The following CRPPA variants were observed in gnomAD, a reference collection of about 807,000 sequenced individuals.
The protein encoded by CRPPA is D-ribitol-5-phosphate cytidylyltransferase.
A neutral mutation model predicts 52.0 loss-of-function variants in CRPPA; 43 were observed. That is an observed-to-expected ratio of 0.83 (90% CI 0.65 to 1.07). CRPPA has a LOEUF of 1.07. CRPPA is among the 50% of genes least tolerant of loss of function. The pLI, the probability that CRPPA is intolerant of heterozygous loss-of-function variation, is 0.00. For synonymous variants in CRPPA, 250 were observed against 203.5 expected (o/e 1.23, Z -1.94); for missense variants, 629 against 551.7 (o/e 1.14, Z -1.40).
chr7:16,247,809 C>G (rs1235822148), intron 8 of CRPPA: 1 of 152,014 alleles, frequency 6.6e-6, no homozygotes. Flanking sequence ...TTTTAGCATA[C>G]AGACTTTTAA....
At chr7:16,320,348 T>A (rs10950607) in intron 3 of CRPPA, among the ~76,000 whole-genome samples, 1 of 152,010 alleles carries the variant, frequency 6.6e-6, no homozygotes, top group Non-Finnish European at 1.5e-5. Flanking sequence ...TAAATGAATA[T>A]GACTCAGAGG....
chr7:16,089,588 T>A lies in CRPPA; in HGVS notation c.*2107A>T, dbSNP rs1215919514. The stretch of plus-strand genomic sequence containing the variant: ...ATACATATATATGGGTATACATGCA[T>A]GTATATACATATATATGGGTATACA... On this transcript the variant is annotated 3_prime_UTR_variant, in exon 10 of 10. Transcript: ENST00000407010. 1.3e-5 allele frequency: 3 copies of A among 230,288 alleles called. No homozygotes were observed. The highest frequency in any genetic ancestry group is 1.6e-4 in the East Asian group (2 of 12,208). The allele number at this position is 230,288 out of a possible 1,614,324, so 14.3% of individuals were successfully genotyped here.
chr7:16,101,355 C>G (rs557628314), intron 9 of CRPPA, among the ~76,000 whole-genome samples: 1 of 152,086 alleles, frequency 6.6e-6, no homozygotes, highest in Non-Finnish European at 1.5e-5. Flanking sequence ...GATTCAACTA[C>G]TTCCTGGTTA....
At chr7:16,286,097 A>AAAAAAAAAATATATATATAT in intron 5 of CRPPA, among the ~76,000 whole-genome samples, 1 of 39,118 alleles carries the variant, frequency 2.6e-5, no homozygotes, top group Non-Finnish European at 4.1e-5. Flanking sequence ...TAAAAAAAAA[A>AAAAAAAAAATATATATATAT]ATATATATAT....
chr7:16,278,963 G>T (rs1170699201), intron 5 of CRPPA, among the ~76,000 whole-genome samples: 1 of 152,102 alleles, frequency 6.6e-6, no homozygotes, highest in Non-Finnish European at 1.5e-5. Context: ...TTCAACCATG[G>T]GCTGAAATCT....
chr7:16,400,482 C>G (rs1258591731), intron 2 of CRPPA, among the ~76,000 whole-genome samples: 1 of 152,190 alleles, frequency 6.6e-6, no homozygotes, highest in African/African-American at 2.4e-5. Context: ...CTGATTGACC[C>G]ATGACCAACA....
intron 9 of CRPPA, among the ~76,000 whole-genome samples, chr7:16,118,535 T>C (rs1332857346): frequency 6.6e-6 from 1 of 152,286 alleles, no homozygotes; most frequent in South Asian, 2.1e-4. Flanking sequence ...GAGGCACAAA[T>C]ACCAATCCCA....
At chr7:16,327,531 C>T (rs6972997) in intron 3 of CRPPA, among the ~76,000 whole-genome samples, 67,544 of 147,238 alleles carry the variant, frequency 0.46, 15,496 homozygotes, top group South Asian at 0.6. Flanking sequence ...AAGCGGAGCT[C>T]GCAGTGAGCC....
chr7:16,237,903 G>A (rs1782994678), intron 8 of CRPPA, among the ~76,000 whole-genome samples: 1 of 152,108 alleles, frequency 6.6e-6, no homozygotes, highest in Admixed American at 6.6e-5. Flanking sequence ...CACAGAGTTG[G>A]ACCCTGCTCA....
chr7:16,331,587 A>C (rs371796159), intron 3 of CRPPA, among the ~76,000 whole-genome samples: 4 of 152,346 alleles, frequency 2.6e-5, no homozygotes, highest in African/African-American at 9.6e-5. Context: ...GATCAACTAC[A>C]TACAAAGGAT....
At chr7:16,365,885 C>G (rs1321077073) in intron 3 of CRPPA, among the ~76,000 whole-genome samples, 1 of 151,984 alleles carries the variant, frequency 6.6e-6, no homozygotes, top group East Asian at 1.9e-4. Context: ...AAAACCCTAC[C>G]ACATCAACAA....
intron 3 of CRPPA, among the ~76,000 whole-genome samples, chr7:16,357,173 T>TTATC (rs748667783): frequency 1.2e-5 from 1 of 83,156 alleles, no homozygotes; most frequent in Non-Finnish European, 2.9e-5. Context: ...ATTTATTTAT[T>TTATC]TATTTATTTA....
At chr7:16,297,062 T>C (rs73065165) in intron 5 of CRPPA, among the ~76,000 whole-genome samples, 2,965 of 152,022 alleles carry the variant, frequency 0.02, 37 homozygotes, top group Non-Finnish European at 0.025. Context: ...GCAGCAGGAG[T>C]AGCTATGTGA....
chr7:16,307,393 G>C (rs1435454612), intron 4 of CRPPA, among the ~76,000 whole-genome samples: 1 of 151,908 alleles, frequency 6.6e-6, no homozygotes, highest in South Asian at 2.1e-4. Flanking sequence ...CCCTCCAAAA[G>C]AGGTTAGGCC....
At chr7:16,401,241 C>T (rs1349559632) in intron 2 of CRPPA, among the ~76,000 whole-genome samples, 3 of 152,190 alleles carry the variant, frequency 2.0e-5, no homozygotes, top group Non-Finnish European at 2.9e-5. Context: ...TCTCCTGTTA[C>T]TTCAGCAATC....
rs749501618 is a variant in CRPPA at position 16,089,366 on chromosome 7, G to GTA, written c.*2328_*2329insTA. On this transcript the variant is annotated 3_prime_UTR_variant, in exon 10 of 10. Transcript: ENST00000407010. Reference sequence around the variant, plus strand: ...TGCGTACGTATATACATACATACATGCATGTACATATATACGTATATATGT... The same window carrying GTA: ...TGCGTACGTATATACATACATACATGTACATGTACATATATACGTATATATGT... 11,693 of 302,642 alleles carry GTA rather than the reference G, an allele frequency of 0.039. 1,626 individuals are homozygous for GTA. The highest frequency in any genetic ancestry group is 0.33 in the East Asian group (3,821 of 11,466). 18.7% of individuals were successfully genotyped at this position (302,642 alleles called of 1,614,324 possible). A position where few individuals can be genotyped will look rare whatever the true frequency, so the allele number is the denominator to read the frequency against.
intron 5 of CRPPA, among the ~76,000 whole-genome samples, chr7:16,280,684 T>C (rs1461173847): frequency 2.0e-5 from 3 of 152,190 alleles, no homozygotes; most frequent in Non-Finnish European, 4.4e-5. Context: ...GATATATTAC[T>C]ACCAACTTAC....
chr7:16,334,487 C>G (rs1216145674), intron 3 of CRPPA, among the ~76,000 whole-genome samples: 1 of 152,210 alleles, frequency 6.6e-6, no homozygotes, highest in Non-Finnish European at 1.5e-5. Flanking sequence ...AAACTTCACA[C>G]ATACCTGAAG....
intron 5 of CRPPA, among the ~76,000 whole-genome samples, chr7:16,288,303 A>G (rs1784490597): frequency 6.6e-6 from 1 of 152,170 alleles, no homozygotes; most frequent in Admixed American, 6.6e-5. Context: ...AGAAATAAAA[A>G]ATACAAACAT....
Sources: gnomAD v4.1 joint callset for allele counts (sites outside exome capture counted in the v4.1 genomes callset) on GRCh38, gnomAD v4.1.1 for gene constraint, MANE v1.5 for transcripts, NCBI Gene and HGNC (gene_info 2026-07-23, HGNC 2026-07-21) for gene names.